The following SEC11C variants were observed in gnomAD, a reference collection of about 807,000 sequenced individuals.
SEC11C encodes the protein signal peptidase complex catalytic subunit SEC11C.
A neutral mutation model predicts 21.9 loss-of-function variants in SEC11C; 10 were observed. The ratio of observed to expected loss-of-function variants is 0.46; its 90% CI spans 0.28 to 0.77. The LOEUF (loss-of-function observed/expected upper bound fraction) is 0.77. Ranked by LOEUF, SEC11C falls within the 30% of genes least tolerant of loss-of-function variation. The probability of loss-of-function intolerance (pLI) is 0.12; values close to 1 mark genes in which losing one functional copy is unlikely to be tolerated. For missense variants in SEC11C, 145 were observed against 244.5 expected (o/e 0.59, Z 2.71); for synonymous variants, 83 against 85.6 (o/e 0.97, Z 0.17).
intron 1 of SEC11C, among the ~76,000 whole-genome samples, chr18:59,144,726 T>TAA (rs5825314): frequency 0.011 from 1,093 of 98,276 alleles, 17 homozygotes; most frequent in Admixed American, 0.03. Flanking sequence ...CCTTGTATCT[T>TAA]AAAAAAAAAA....
intron 1 of SEC11C, among the ~76,000 whole-genome samples, chr18:59,144,055 T>C (rs754250528): frequency 1.1e-4 from 17 of 152,142 alleles, no homozygotes; most frequent in Non-Finnish European, 2.4e-4. Context: ...GGTTTCACCA[T>C]GTTGGCCAGG....
intron 5 of SEC11C, among the ~76,000 whole-genome samples, chr18:59,158,215 C>A (rs147103773): frequency 5.3e-4 from 80 of 152,082 alleles, no homozygotes; most frequent in Admixed American, 1.7e-3. Context: ...GCCACCACAC[C>A]CAGCTCATTT....
At chr18:59,147,957 T>C (rs1276338570) in intron 1 of SEC11C, 1 of 151,998 alleles carries the variant, frequency 6.6e-6, no homozygotes, top group African/African-American at 2.4e-5. Flanking sequence ...GGTCCTCAGG[T>C]GTACACAGAA....
At chr18:59,152,896 T>C in intron 3 of SEC11C, 1 of 407,140 alleles carries the variant, frequency 2.5e-6, no homozygotes, top group East Asian at 3.8e-5. Flanking sequence ...GAGAATTAAA[T>C]GAACTAATGT....
chr18:59,156,000 CA>C (rs1201863578), intron 4 of SEC11C, 193 bp downstream of exon 4: 2 of 549,524 alleles, frequency 3.6e-6, no homozygotes, highest in East Asian at 7.5e-5. Context: ...AAACTGAACC[CA>C]ATTATATTAT....
At chr18:59,149,064 C>G (rs1181890279) in intron 1 of SEC11C, among the ~76,000 whole-genome samples, 1 of 152,236 alleles carries the variant, frequency 6.6e-6, no homozygotes, top group Admixed American at 6.5e-5. Flanking sequence ...CTATAGGACT[C>G]CAAAGCTTCC....
Position 59,155,823 on chromosome 18 carries a change from T to C in SEC11C, c.467+16T>C. 1 of 1,612,592 alleles carries C rather than the reference T, an allele frequency of 6.2e-7. No individual in the cohort carries two copies. The highest frequency in any genetic ancestry group is 8.5e-7 in the Non-Finnish European group (1 of 1,179,466). ...GAGCAAGAGGGTGAGGATTCACCTT[T>C]AAGTTATATAGAAGGTTATGAAAAA... On this transcript the variant is annotated intron_variant, in intron 4 of 5. Transcript: ENST00000587834.
At chr18:59,143,260 G>C (rs2069231233) in intron 1 of SEC11C, among the ~76,000 whole-genome samples, 1 of 150,962 alleles carries the variant, frequency 6.6e-6, no homozygotes, top group African/African-American at 2.4e-5. Context: ...GGCTGAGGCA[G>C]GAGAATCACT....
intron 1 of SEC11C, among the ~76,000 whole-genome samples, chr18:59,140,371 C>T (rs373810820): frequency 6.6e-6 from 1 of 152,196 alleles, no homozygotes; most frequent in Non-Finnish European, 1.5e-5. Context: ...ATTTGAAGGG[C>T]CACCCGGTGA....
chr18:59,147,588 G>C (rs183482707), intron 1 of SEC11C: 101 of 152,542 alleles, frequency 6.6e-4, no homozygotes, highest in African/African-American at 2.4e-3. Flanking sequence ...GAGCGGCACT[G>C]GGGGAGGCTG....
In SEC11C at chr18:59,145,841, A is replaced by G. The variant is rs149106765; in HGVS notation, c.88-3672A>G. Among the ~76,000 whole-genome samples, 572 of 152,302 alleles carry G rather than the reference A, an allele frequency of 3.8e-3. 5 individuals are homozygous for G. Among genetic ancestry groups the G allele is most frequent in the African/African-American group, 0.013 (532 of 41,546 alleles). On this transcript the variant is annotated intron_variant, in intron 1 of 5. Coordinates refer to ENST00000587834, the MANE Select transcript of SEC11C (RefSeq NM_033280.4). ...ATGTTTAGTTACATAAATACTTACC[A>G]GTGTGTTACAGTCGCCTGCAGTATT... is the stretch of plus-strand genomic sequence containing the variant.
chr18:59,143,538 C>T (rs2069236066), intron 1 of SEC11C, among the ~76,000 whole-genome samples: 1 of 152,162 alleles, frequency 6.6e-6, no homozygotes, highest in African/African-American at 2.4e-5. Flanking sequence ...TAGCAAGAGA[C>T]AGTTCTGAGC....
chr18:59,152,725 T>C, intron 3 of SEC11C, 40 bp downstream of exon 3: 3 of 1,538,598 alleles, frequency 1.9e-6, no homozygotes, highest in Non-Finnish European at 2.6e-6. Flanking sequence ...GTTATGTAAA[T>C]TTTTGGTAGA....
At chr18:59,140,076 C>G (rs3744890) in intron 1 of SEC11C, 41 bp downstream of exon 1, 697,845 of 1,519,490 alleles carry the variant, frequency 0.46, 165,801 homozygotes, top group East Asian at 0.84. Flanking sequence ...GCCGGGACCG[C>G]CTGTGCTAGC....
intron 1 of SEC11C, among the ~76,000 whole-genome samples, chr18:59,145,504 A>C (rs1248642827): frequency 6.6e-6 from 1 of 152,200 alleles, no homozygotes; most frequent in Non-Finnish European, 1.5e-5. Context: ...GGGTGGAAAG[A>C]AGCATGTGAG....
Position 59,157,648 on chromosome 18 carries a change from G to A in SEC11C, c.508G>A (p.Asp170Asn). 6.2e-7 allele frequency: 1 copy of A among 1,604,970 alleles called. No individual in the cohort carries two copies. Residue 170 changes from aspartate to asparagine, a missense_variant, in exon 5 of 6, where the codon GAC becomes AAC. Physicochemically the swap from Asp to Asn is conservative, Grantham distance 23 (BLOSUM62 1). Coordinates refer to ENST00000587834, the MANE Select transcript of SEC11C (RefSeq NM_033280.4). ...TGGTATGGTCACCATAATAATGAAT[G>A]ACTATCCAAAATTCAAGGTAGGAAT... ...YVGMVTIIMN[D>N]YPKFKYALLA...
At chr18:59,155,601 G>T in intron 3 of SEC11C, 87 bp from the exon 4 acceptor site, 1 of 1,410,306 alleles carries the variant, frequency 7.1e-7, no homozygotes. Context: ...GCTCCTGTCT[G>T]ACAGTAAAGT....
At chr18:59,156,888 C>T (rs1158527257) in intron 4 of SEC11C, 1 of 152,192 alleles carries the variant, frequency 6.6e-6, no homozygotes, top group Non-Finnish European at 1.5e-5. Context: ...GTTAGTCCAT[C>T]CTGTCTTTCC....
rs142498365 is a variant in SEC11C, at chr18:59,146,513, G to A, written c.88-3000G>A. Among the ~76,000 whole-genome samples, 1,239 of 152,210 alleles carry A rather than the reference G, an allele frequency of 8.1e-3. 12 individuals carry two copies. Among genetic ancestry groups the A allele is most frequent in the Middle Eastern group, 0.051 (15 of 294 alleles). On this transcript the variant is annotated intron_variant, in intron 1 of 5. Transcript: ENST00000587834. ...GGAAGACAAGAAAGTGGTGAGAAGT[G>A]GATGGCATGCCATCCTGGAAGGCAG...
Sources: gnomAD v4.1 joint callset for allele counts (sites outside exome capture counted in the v4.1 genomes callset) on GRCh38, gnomAD v4.1.1 for gene constraint, MANE v1.5 for transcripts, NCBI Gene and HGNC (gene_info 2026-07-23, HGNC 2026-07-21) for gene names.